Variants in DTNA observed in about 807,000 individuals in gnomAD.
DTNA encodes dystrobrevin alpha.
DTNA carries 43 observed loss-of-function variants against 100.7 expected under a neutral mutation model. The observed-to-expected ratio is 0.43, with a 90% CI of 0.33 to 0.55. The LOEUF (loss-of-function observed/expected upper bound fraction) is 0.55. DTNA is among the 20% of genes least tolerant of loss of function. The pLI is 0.04. For missense variants in DTNA, 798 were observed against 953.9 expected (o/e 0.84, Z 2.15); for synonymous variants, 349 against 347.9 (o/e 1.00, Z -0.04).
intron 1 of DTNA, among the ~76,000 whole-genome samples, chr18:34,698,864 C>T (rs1363797958): frequency 2.0e-5 from 3 of 151,960 alleles, no homozygotes; most frequent in African/African-American, 7.2e-5. Context: ...CTGCCATTCC[C>T]AGTCCACTGG....
At chr18:34,533,477 A>G (rs1178427398) in intron 1 of DTNA, among the ~76,000 whole-genome samples, 2 of 151,960 alleles carry the variant, frequency 1.3e-5, no homozygotes, top group African/African-American at 4.8e-5. Context: ...GCAAGTAACC[A>G]CTGCTAAGTC....
chr18:34,805,255 T>C (rs140436436), intron 4 of DTNA, among the ~76,000 whole-genome samples: 73 of 152,352 alleles, frequency 4.8e-4, no homozygotes, highest in African/African-American at 1.8e-3. Flanking sequence ...ACAGATTTGT[T>C]ATACTTCCTG....
intron 15 of DTNA, among the ~76,000 whole-genome samples, chr18:34,857,901 A>G (rs537873217): frequency 2.0e-5 from 3 of 152,284 alleles, no homozygotes; most frequent in Non-Finnish European, 4.4e-5. Context: ...GTGATCGTAA[A>G]TAACAGGAAG....
chr18:34,829,130 G>T, intron 10 of DTNA: 1 of 1,613,912 alleles, frequency 6.2e-7, no homozygotes, highest in Non-Finnish European at 8.5e-7. Context: ...AGCTGTTCTG[G>T]TTCCTCCAGG....
chr18:34,599,980 C>T (rs1471562068), intron 1 of DTNA, among the ~76,000 whole-genome samples: 1 of 152,036 alleles, frequency 6.6e-6, no homozygotes, highest in Non-Finnish European at 1.5e-5. Flanking sequence ...GTCCAGCCAA[C>T]AAATTTCTTT....
At chr18:34,836,190 T>G (rs1454479602) in intron 11 of DTNA, among the ~76,000 whole-genome samples, 1 of 151,900 alleles carries the variant, frequency 6.6e-6, no homozygotes, top group African/African-American at 2.4e-5. Flanking sequence ...ACAGAAACAG[T>G]TTTGGTGGTA....
intron 1 of DTNA, among the ~76,000 whole-genome samples, chr18:34,731,957 G>T (rs1300106166): frequency 6.6e-6 from 1 of 152,136 alleles, no homozygotes; most frequent in Non-Finnish European, 1.5e-5. Context: ...TAAGTGTTTG[G>T]GAAAGATTAG....
chr18:34,758,235 T>G (rs2092912239), intron 2 of DTNA, among the ~76,000 whole-genome samples: 1 of 152,250 alleles, frequency 6.6e-6, no homozygotes, highest in African/African-American at 2.4e-5. Context: ...GAATCTGTGC[T>G]TTCTAGACAG....
chr18:34,793,595 C>G (rs2094842704), intron 3 of DTNA, among the ~76,000 whole-genome samples: 1 of 152,038 alleles, frequency 6.6e-6, no homozygotes, highest in Non-Finnish European at 1.5e-5. Context: ...TCCTTTCAAA[C>G]ACTAGAATTT....
intron 1 of DTNA, among the ~76,000 whole-genome samples, chr18:34,735,229 C>T (rs111621492): frequency 1.3e-5 from 2 of 152,096 alleles, no homozygotes; most frequent in Non-Finnish European, 2.9e-5. Flanking sequence ...CTCCTTTTCA[C>T]GTTTTTCTGC....
intron 14 of DTNA, among the ~76,000 whole-genome samples, chr18:34,848,623 C>A (rs528462567): frequency 6.6e-6 from 1 of 151,966 alleles, no homozygotes; most frequent in Non-Finnish European, 1.5e-5. Flanking sequence ...CTGGAATCCT[C>A]GCATCCCCCT....
At position 34,888,606 on chromosome 18, in the gene DTNA, C is replaced by A; in HGVS notation, c.*872C>A. ...TAGAATCTAGTTTTTAAAATCAGCACAGATCTTCTTAAAAACTGTGAACTA... is the reference window on the plus strand; with the variant it reads ...TAGAATCTAGTTTTTAAAATCAGCAAAGATCTTCTTAAAAACTGTGAACTA... On this transcript the variant is annotated 3_prime_UTR_variant, in exon 23 of 23. Coordinates refer to ENST00000444659, the MANE Select transcript of DTNA (RefSeq NM_001386795.1). 8.1e-6 allele frequency: 8 copies of A among 985,824 alleles called. No homozygotes were observed. Among genetic ancestry groups the A allele is most frequent in the Non-Finnish European group, 9.6e-6 (8 of 829,928 alleles). The allele number at this position is 985,824 out of a possible 1,614,324, so 61.1% of individuals were successfully genotyped here. A position where few individuals can be genotyped will look rare whatever the true frequency, so the allele number is the denominator to read the frequency against.
At chr18:34,729,044 G>A (rs2087438894) in intron 1 of DTNA, among the ~76,000 whole-genome samples, 1 of 152,020 alleles carries the variant, frequency 6.6e-6, no homozygotes, top group Admixed American at 6.6e-5. Context: ...CTGGAAGAGA[G>A]TCCCAGAGAA....
chr18:34,839,344 A>G (rs1317873112), intron 13 of DTNA, among the ~76,000 whole-genome samples: 1 of 152,248 alleles, frequency 6.6e-6, no homozygotes, highest in Non-Finnish European at 1.5e-5. Flanking sequence ...CAATTCTATT[A>G]CACATTTTTC....
intron 1 of DTNA, among the ~76,000 whole-genome samples, chr18:34,646,936 G>A (rs118166532): frequency 0.023 from 3,509 of 151,234 alleles, 84 homozygotes; most frequent in Non-Finnish European, 0.029. Context: ...AGATGGTCTC[G>A]ATCTCTTGAC....
At chr18:34,830,899 A>G (rs1026606719) in intron 11 of DTNA, among the ~76,000 whole-genome samples, 1 of 152,206 alleles carries the variant, frequency 6.6e-6, no homozygotes. Context: ...AAGAGCTCTA[A>G]GAGCTATGTA....
At chr18:34,505,894 G>T (rs2040440522) in intron 1 of DTNA, among the ~76,000 whole-genome samples, 1 of 152,134 alleles carries the variant, frequency 6.6e-6, no homozygotes, top group South Asian at 2.1e-4. Context: ...TATGATGAAT[G>T]ATTTTCAATG....
chr18:34,879,851 A>G, intron 20 of DTNA, 132 bp downstream of exon 20: 1 of 1,158,870 alleles, frequency 8.6e-7, no homozygotes, highest in Non-Finnish European at 1.2e-6. Flanking sequence ...CTGTTCTGCC[A>G]GAGATATAGA....
chr18:34,873,736 ATTAT>A (rs1230786469), intron 17 of DTNA, among the ~76,000 whole-genome samples: 1 of 152,224 alleles, frequency 6.6e-6, no homozygotes, highest in Non-Finnish European at 1.5e-5. Context: ...CAAATGTGAA[ATTAT>A]TTATTATTGG....
Sources: allele counts gnomAD v4.1 joint callset (sites outside exome capture counted in the v4.1 genomes callset), GRCh38; gene constraint gnomAD v4.1.1; transcripts MANE v1.5; gene names NCBI Gene and HGNC (gene_info 2026-07-23, HGNC 2026-07-21).